ITGB5: variants seen among roughly 807,000 people sequenced by gnomAD.
The protein encoded by ITGB5 is integrin subunit beta 5.
In ITGB5, 38 loss-of-function variants were observed where a neutral mutation model predicts 84.8. That is an observed-to-expected ratio of 0.45 (90% confidence interval 0.35 to 0.59). ITGB5 has a LOEUF of 0.59. Ranked by LOEUF, ITGB5 falls within the 20% of genes least tolerant of loss-of-function variation. The pLI is 0.01. For missense variants in ITGB5, 905 were observed against 1,034.5 expected (o/e 0.87, Z 1.72); for synonymous variants, 393 against 414.4 (o/e 0.95, Z 0.63).
intron 1 of ITGB5, among the ~76,000 whole-genome samples, chr3:124,876,979 T>C (rs542753798): frequency 2.2e-4 from 33 of 152,190 alleles, no homozygotes; most frequent in African/African-American, 7.2e-4. Context: ...TTGTTTTTTT[T>C]TCTTTGTTTG....
chr3:124,779,298 G>A (rs757835104), intron 10 of ITGB5, among the ~76,000 whole-genome samples: 1 of 152,158 alleles, frequency 6.6e-6, no homozygotes, highest in Non-Finnish European at 1.5e-5. Context: ...GACAGGAAAA[G>A]TGGAGGGATG....
chr3:124,825,880 C>T (rs564702946), intron 5 of ITGB5, among the ~76,000 whole-genome samples: 2 of 152,208 alleles, frequency 1.3e-5, no homozygotes, highest in South Asian at 4.2e-4. Context: ...ATATATGCAA[C>T]AGTATTTTTA....
At chr3:124,828,242 C>T (rs2064811771) in intron 5 of ITGB5, among the ~76,000 whole-genome samples, 1 of 152,194 alleles carries the variant, frequency 6.6e-6, no homozygotes, top group African/African-American at 2.4e-5. Flanking sequence ...TGAACATGAA[C>T]ATTTACAGCA....
chr3:124,768,616 C>T, intron 12 of ITGB5, among the ~76,000 whole-genome samples: 1 of 152,164 alleles, frequency 6.6e-6, no homozygotes, highest in East Asian at 1.9e-4. Context: ...ATAGATGGAC[C>T]ACACTTTGTT....
intron 2 of ITGB5, among the ~76,000 whole-genome samples, chr3:124,860,842 C>T (rs1228186151): frequency 6.6e-6 from 1 of 152,188 alleles, no homozygotes; most frequent in Non-Finnish European, 1.5e-5. Context: ...AGGAATGCAC[C>T]CTCCCTCAAG....
At chr3:124,825,778 A>T (rs1348876948) in intron 5 of ITGB5, among the ~76,000 whole-genome samples, 2 of 152,234 alleles carry the variant, frequency 1.3e-5, no homozygotes, top group African/African-American at 4.8e-5. Context: ...ATAAGACTTT[A>T]TACCTAAAAA....
chr3:124,821,617 A>C, intron 5 of ITGB5, 143 bp from the exon 6 acceptor site: 1 of 880,728 alleles, frequency 1.1e-6, no homozygotes, highest in Non-Finnish European at 1.8e-6. Context: ...ACACTCACAA[A>C]ACCACTGGGG....
intron 10 of ITGB5, among the ~76,000 whole-genome samples, chr3:124,777,128 CAG>C (rs777237319): frequency 4.6e-5 from 7 of 152,170 alleles, no homozygotes; most frequent in Non-Finnish European, 1.0e-4. Context: ...GAAGAGGAGT[CAG>C]GAGTCAAGGG....
intron 1 of ITGB5, among the ~76,000 whole-genome samples, chr3:124,875,476 CA>C (rs35782965): frequency 0.034 from 3,570 of 104,612 alleles, 87 homozygotes; most frequent in African/African-American, 0.11. Context: ...GACTCTGTCT[CA>C]AAAAAAAAAA....
At chr3:124,889,325 G>T (rs1317513082), upstream of ITGB5, among the ~76,000 whole-genome samples, 1 of 152,186 alleles carries the variant, frequency 6.6e-6, no homozygotes, top group African/African-American at 2.4e-5. Context: ...GCAACCTTTT[G>T]TCTCTTATCT....
chr3:124,861,383 C>T (rs2065295166), intron 2 of ITGB5, among the ~76,000 whole-genome samples: 1 of 151,276 alleles, frequency 6.6e-6, no homozygotes, highest in South Asian at 2.1e-4. Flanking sequence ...GGGAGGATCG[C>T]TCGAGCCCAG....
chr3:124,861,765 T>C (rs1328407918), intron 2 of ITGB5, among the ~76,000 whole-genome samples: 2 of 152,308 alleles, frequency 1.3e-5, no homozygotes, highest in African/African-American at 4.8e-5. Flanking sequence ...TTTCACCATG[T>C]TGGCCAGGAT....
intron 10 of ITGB5, chr3:124,792,026 A>G (rs1401834046): frequency 1.3e-5 from 2 of 152,248 alleles, no homozygotes; most frequent in African/African-American, 4.8e-5. Context: ...ACTCAGTTTA[A>G]GTCCTTCCCA....
chr3:124,849,779 G>C (rs1437563983), intron 3 of ITGB5, among the ~76,000 whole-genome samples: 2 of 152,018 alleles, frequency 1.3e-5, no homozygotes, highest in African/African-American at 4.8e-5. Context: ...GCTCAAGTCA[G>C]GGCAATAACT....
intron 10 of ITGB5, among the ~76,000 whole-genome samples, chr3:124,775,413 TGTGA>T (rs751591042): frequency 8.6e-5 from 13 of 151,698 alleles, no homozygotes; most frequent in Middle Eastern, 3.4e-3. Flanking sequence ...TGTGTTGGAG[TGTGA>T]GTGTTTGTTC....
chr3:124,843,000 T>G (rs1377811604), intron 4 of ITGB5, among the ~76,000 whole-genome samples: 1 of 152,162 alleles, frequency 6.6e-6, no homozygotes, highest in Non-Finnish European at 1.5e-5. Context: ...GCTCTCCCTC[T>G]CGGGGCCGGC....
At chr3:124,783,880 G>A (rs906559004) in intron 10 of ITGB5, among the ~76,000 whole-genome samples, 1 of 152,120 alleles carries the variant, frequency 6.6e-6, no homozygotes, top group Non-Finnish European at 1.5e-5. Context: ...CACATCTTTA[G>A]TCTCAGGGAC....
intron 1 of ITGB5, among the ~76,000 whole-genome samples, chr3:124,885,547 A>G (rs921688028): frequency 1.3e-5 from 2 of 152,240 alleles, no homozygotes; most frequent in Non-Finnish European, 2.9e-5. Context: ...TTCCCACCAA[A>G]AAAAGAAAAA....
intron 10 of ITGB5, among the ~76,000 whole-genome samples, chr3:124,788,647 C>A (rs2064116044): frequency 6.6e-6 from 1 of 152,168 alleles, no homozygotes; most frequent in Admixed American, 6.5e-5. Context: ...TTCTATGATA[C>A]CAGGTAAGGG....
Sources: allele counts gnomAD v4.1 joint callset (sites outside exome capture counted in the v4.1 genomes callset), GRCh38; gene constraint gnomAD v4.1.1; transcripts MANE v1.5; gene names NCBI Gene and HGNC (gene_info 2026-07-23, HGNC 2026-07-21).